STRN: variants seen among roughly 807,000 people sequenced by gnomAD.
STRN encodes the protein striatin.
Under a neutral mutation model 96.3 loss-of-function variants are expected in STRN, and 53 were observed. The ratio of observed to expected loss-of-function variants is 0.55; its 90% confidence interval spans 0.44 to 0.69. STRN has a LOEUF of 0.69. Ranked by LOEUF, STRN falls within the 30% of genes least tolerant of loss-of-function variation. The pLI, the probability that STRN is intolerant of heterozygous loss-of-function variation, is 0.00. For synonymous variants in STRN, 428 were observed against 355.9 expected, an observed-to-expected ratio of 1.20 and a Z score of -2.28; for missense variants, 987 against 963.9, an observed-to-expected ratio of 1.02 and a Z score of -0.32.
rs935215248 is a variant in STRN, at chr2:36,838,055, G to A, written c.*11401C>T. 1.3e-5 allele frequency among the ~76,000 whole-genome samples: 2 copies of A among 152,192 alleles called. No homozygotes were observed. The highest frequency in any genetic ancestry group is 4.8e-5 in the African/African-American group (2 of 41,454). Reference sequence around the variant, plus strand: ...ATGTAATTAAAGCTACTAATCAGTTGACCTTAACAATCTGGGTGTGCTTAA... The same window carrying A: ...ATGTAATTAAAGCTACTAATCAGTTAACCTTAACAATCTGGGTGTGCTTAA... On this transcript the variant is annotated 3_prime_UTR_variant, in exon 18 of 18. Transcript: ENST00000263918.
chr2:36,848,513 A>C lies in STRN; in HGVS notation c.*943T>G, dbSNP rs1041630947. ...ATTAGGTGGGTGTTGATAAATGATT[A>C]TTAGCAAATAAATTCTATCTTTTCA... On this transcript the variant is annotated 3_prime_UTR_variant, in exon 18 of 18. Coordinates refer to ENST00000263918, the MANE Select transcript of STRN (RefSeq NM_003162.4). 1.3e-5 allele frequency: 2 copies of C among 152,218 alleles called. No homozygotes were observed. Among genetic ancestry groups the C allele is most frequent in the African/African-American group, 4.8e-5 (2 of 41,456 alleles). The allele number at this position is 152,218 out of a possible 1,614,324, so 9.4% of individuals were successfully genotyped here. A position where few individuals can be genotyped will look rare whatever the true frequency, so the allele number is the denominator to read the frequency against.
chr2:36,878,240 A>T (rs1461489947), intron 9 of STRN, among the ~76,000 whole-genome samples: 2 of 152,244 alleles, frequency 1.3e-5, no homozygotes, highest in African/African-American at 2.4e-5. Flanking sequence ...ACTAATTAGA[A>T]AAGTAAAACA....
At chr2:36,964,884 C>G (rs1212967065) in intron 1 of STRN, among the ~76,000 whole-genome samples, 1 of 152,172 alleles carries the variant, frequency 6.6e-6, no homozygotes, top group Non-Finnish European at 1.5e-5. Flanking sequence ...AACACAGGGC[C>G]TAGACACACA....
At chr2:36,914,757 C>G (rs1670047005) in intron 3 of STRN, among the ~76,000 whole-genome samples, 1 of 152,172 alleles carries the variant, frequency 6.6e-6, no homozygotes, top group Non-Finnish European at 1.5e-5. Context: ...GACCTGGGTT[C>G]AGCTCCATAT....
At chr2:36,853,543 C>G (rs184122190) in intron 15 of STRN, among the ~76,000 whole-genome samples, 2 of 152,172 alleles carry the variant, frequency 1.3e-5, no homozygotes, top group Admixed American at 1.3e-4. Flanking sequence ...GAGAAGTCGG[C>G]AGAATGCAAA....
At chr2:36,858,197 T>C (rs1478970391) in intron 13 of STRN, among the ~76,000 whole-genome samples, 174 bp from the exon 14 acceptor site, 1 of 152,198 alleles carries the variant, frequency 6.6e-6, no homozygotes, top group Non-Finnish European at 1.5e-5. Context: ...CTTGGAAATA[T>C]ACAAATATAA....
intron 1 of STRN, among the ~76,000 whole-genome samples, chr2:36,927,165 C>G (rs1670432000): frequency 6.6e-6 from 1 of 152,004 alleles, no homozygotes; most frequent in Non-Finnish European, 1.5e-5. Flanking sequence ...ACCATAAAGT[C>G]TTTACTGTAT....
In STRN at chr2:36,847,266, T is replaced by A. The variant is rs1668103525; in HGVS notation, c.*2190A>T. 1 of 152,154 alleles carries A rather than the reference T, an allele frequency of 6.6e-6. No homozygotes were observed. The highest frequency in any genetic ancestry group is 6.5e-5 in the Admixed American group (1 of 15,268). 9.4% of individuals were successfully genotyped at this position (152,154 alleles called of 1,614,324 possible). ...ATGAACGGGGGAAGAATGTCCTGGT[T>A]TTTAGAATTTCAGTGACATTAATAA... On this transcript the variant is annotated 3_prime_UTR_variant, in exon 18 of 18. Transcript: ENST00000263918.
At chr2:36,891,258 G>A (rs1354231108) in intron 7 of STRN, among the ~76,000 whole-genome samples, 10 of 152,176 alleles carry the variant, frequency 6.6e-5, no homozygotes. Context: ...CAGGCCTAGT[G>A]GCTCATACCT....
chr2:36,962,745 G>A (rs991847403), intron 1 of STRN, among the ~76,000 whole-genome samples: 2 of 152,102 alleles, frequency 1.3e-5, no homozygotes, highest in African/African-American at 4.8e-5. Flanking sequence ...TTGACCTCAC[G>A]ATCCGCCTGC....
intron 8 of STRN, among the ~76,000 whole-genome samples, chr2:36,884,663 T>C (rs1371323459): frequency 6.6e-6 from 1 of 152,196 alleles, no homozygotes; most frequent in Non-Finnish European, 1.5e-5. Context: ...TTATGGTTTG[T>C]TCCTATACCA....
At chr2:36,916,220 G>T in intron 2 of STRN, 69 bp from the exon 3 acceptor site, 2 of 1,337,538 alleles carry the variant, frequency 1.5e-6, no homozygotes, top group Non-Finnish European at 2.1e-6. Context: ...AATAGTAGTA[G>T]TCACAAGAAT....
intron 2 of STRN, among the ~76,000 whole-genome samples, chr2:36,920,638 CAAAAA>C (rs1312882065): frequency 1.6e-5 from 1 of 62,114 alleles, no homozygotes; most frequent in Non-Finnish European, 3.2e-5. Flanking sequence ...AACTCCGTCT[CAAAAA>C]AAAAAAAAAA....
In STRN at chr2:36,859,892, T is replaced by A. The variant is rs188547808; in HGVS notation, c.1669+1240A>T. ...ATTAGTTACTGACAATCTTGTTACA[T>A]GTAAGTGTTGTAGCCAGAAGCCAGA... On this transcript the variant is annotated intron_variant, in intron 13 of 17. Coordinates refer to ENST00000263918, the MANE Select transcript of STRN (RefSeq NM_003162.4). Among the ~76,000 whole-genome samples the A allele has an allele frequency of 2.0e-4, 30 of 152,242 alleles. No homozygotes were observed. In the East Asian group the frequency reaches 3.5e-3, roughly 18 times the overall value.
At chr2:36,874,653 G>C (rs185236905) in intron 10 of STRN, among the ~76,000 whole-genome samples, 8 of 137,104 alleles carry the variant, frequency 5.8e-5, no homozygotes, top group Admixed American at 1.6e-4. Flanking sequence ...ACCAACAACA[G>C]AAATGATAGT....
intron 2 of STRN, among the ~76,000 whole-genome samples, chr2:36,921,927 T>A (rs924191635): frequency 2.0e-5 from 3 of 152,034 alleles, no homozygotes; most frequent in African/African-American, 7.2e-5. Context: ...GAAAAAAAAA[T>A]GCTATAAAGA....
intron 1 of STRN, among the ~76,000 whole-genome samples, chr2:36,928,975 A>G (rs866913784): frequency 3.9e-5 from 6 of 151,976 alleles, no homozygotes; most frequent in Middle Eastern, 3.4e-3. Context: ...AGTGACATGA[A>G]TAAAATGTTT....
chr2:36,966,533 C>G lies in STRN; in HGVS notation c.-70G>C, dbSNP rs533948442. On this transcript the variant is annotated 5_prime_UTR_variant, in exon 1 of 18. Coordinates refer to ENST00000263918, the MANE Select transcript of STRN (RefSeq NM_003162.4). Reference sequence around the variant, plus strand: ...GAGGCAACAGCGGCGGCAAGCAGCGCCTCCTCCTCCCTCCGCCGCTCCCGC... The same window carrying G: ...GAGGCAACAGCGGCGGCAAGCAGCGGCTCCTCCTCCCTCCGCCGCTCCCGC... 72 of 1,340,414 alleles carry G rather than the reference C, an allele frequency of 5.4e-5. 1 individual carries two copies. The South Asian group carries it at 8.3e-4, about 15-fold the overall frequency. The allele number at this position is 1,340,414 out of a possible 1,614,324, so 83.0% of individuals were successfully genotyped here. A position where few individuals can be genotyped will look rare whatever the true frequency, so the allele number is the denominator to read the frequency against.
At chr2:36,955,893 A>C (rs1173669251) in intron 1 of STRN, among the ~76,000 whole-genome samples, 1 of 152,212 alleles carries the variant, frequency 6.6e-6, no homozygotes, top group East Asian at 1.9e-4. Flanking sequence ...TTTATGTTTC[A>C]TATATACCCT....
Sources: allele counts gnomAD v4.1 joint callset (sites outside exome capture counted in the v4.1 genomes callset), GRCh38; gene constraint gnomAD v4.1.1; transcripts MANE v1.5; gene names NCBI Gene and HGNC (gene_info 2026-07-23, HGNC 2026-07-21).